Variants in CFAP299 observed in about 807,000 individuals in gnomAD.
CFAP299 encodes the protein cilia and flagella associated protein 299.
A neutral mutation model predicts 27.0 loss-of-function variants in CFAP299; 21 were observed. That is an observed-to-expected ratio of 0.78 (90% CI 0.55 to 1.12). The LOEUF (loss-of-function observed/expected upper bound fraction) is 1.12, where lower values mean the gene tolerates loss of function less well. CFAP299 is among the 50% of genes most tolerant of loss of function. The probability of loss-of-function intolerance (pLI) is 0.00; values close to 1 mark genes in which losing one functional copy is unlikely to be tolerated. For synonymous variants in CFAP299, 104 were observed against 98.1 expected (o/e 1.06, Z -0.36); for missense variants, 310 against 276.6 (o/e 1.12, Z -0.86).
At chr4:80,471,386 G>A (rs1394594529) in intron 2 of CFAP299, among the ~76,000 whole-genome samples, 1 of 151,626 alleles carries the variant, frequency 6.6e-6, no homozygotes, top group African/African-American at 2.4e-5. Context: ...TATTGGTAAT[G>A]TTTGTCATAT....
chr4:80,727,673 TTAAA>T (rs1242166509), intron 3 of CFAP299, among the ~76,000 whole-genome samples: 2 of 152,074 alleles, frequency 1.3e-5, no homozygotes, highest in Non-Finnish European at 2.9e-5. Flanking sequence ...CTTGTAAGAA[TTAAA>T]TAAATGATAT....
chr4:80,554,287 T>A (rs781174679), intron 2 of CFAP299, among the ~76,000 whole-genome samples: 1 of 152,146 alleles, frequency 6.6e-6, no homozygotes, highest in Non-Finnish European at 1.5e-5. Flanking sequence ...TTTCCAAAGA[T>A]CAGATTGTCA....
chr4:80,462,947 C>T (rs1275682486), intron 2 of CFAP299, among the ~76,000 whole-genome samples: 1 of 152,084 alleles, frequency 6.6e-6, no homozygotes, highest in Non-Finnish European at 1.5e-5. Context: ...AAGGGCAGGA[C>T]AGGAGAAGTT....
At chr4:80,904,038 T>G (rs1735062559) in intron 4 of CFAP299, among the ~76,000 whole-genome samples, 1 of 152,178 alleles carries the variant, frequency 6.6e-6, no homozygotes, top group Non-Finnish European at 1.5e-5. Context: ...TTCCTGTGTG[T>G]CTTAGACCCT....
intron 2 of CFAP299, among the ~76,000 whole-genome samples, chr4:80,379,771 T>C (rs1724600567): frequency 6.6e-6 from 1 of 152,106 alleles, no homozygotes; most frequent in South Asian, 2.1e-4. Flanking sequence ...ATATTCTTTA[T>C]GATTTAATTT....
chr4:80,726,564 A>G (rs1168585077), intron 3 of CFAP299, among the ~76,000 whole-genome samples: 1 of 151,956 alleles, frequency 6.6e-6, no homozygotes, highest in Non-Finnish European at 1.5e-5. Context: ...AAGAAACTGT[A>G]TCAAGAAGAG....
At chr4:80,411,578 T>C (rs1285466855) in intron 2 of CFAP299, among the ~76,000 whole-genome samples, 1 of 152,104 alleles carries the variant, frequency 6.6e-6, no homozygotes, top group Admixed American at 6.6e-5. Context: ...CTTTGCTATA[T>C]ATTACAATAT....
chr4:80,499,877 A>G (rs1330061421), intron 2 of CFAP299, among the ~76,000 whole-genome samples: 1 of 152,130 alleles, frequency 6.6e-6, no homozygotes, highest in East Asian at 1.9e-4. Context: ...AAACCTTGCC[A>G]TTCACATCTC....
chr4:80,494,192 C>T (rs915423298), intron 2 of CFAP299, among the ~76,000 whole-genome samples: 17 of 152,150 alleles, frequency 1.1e-4, no homozygotes, highest in African/African-American at 4.1e-4. Context: ...ACCCTAGATT[C>T]CTTTCTTTGT....
At chr4:80,580,114 G>A (rs980934214) in intron 2 of CFAP299, among the ~76,000 whole-genome samples, 1 of 152,206 alleles carries the variant, frequency 6.6e-6, no homozygotes, top group South Asian at 2.1e-4. Flanking sequence ...AAGGGAATTG[G>A]AAGAGCACTG....
intron 3 of CFAP299, among the ~76,000 whole-genome samples, chr4:80,617,813 GT>G (rs1403057935): frequency 2.0e-5 from 3 of 152,208 alleles, no homozygotes; most frequent in Non-Finnish European, 4.4e-5. Context: ...ATTTTGATAT[GT>G]TTTTTCTTGT....
chr4:80,501,407 A>C (rs1459020542), intron 2 of CFAP299, among the ~76,000 whole-genome samples: 6 of 148,172 alleles, frequency 4.0e-5, no homozygotes, highest in Non-Finnish European at 1.5e-5. Context: ...ATAAATATGT[A>C]ATTTCATATA....
chr4:80,360,581 C>A (rs888126732), intron 1 of CFAP299, among the ~76,000 whole-genome samples: 5 of 152,092 alleles, frequency 3.3e-5, no homozygotes, highest in African/African-American at 1.2e-4. Context: ...TTTTCCACAA[C>A]AATAATGTAT....
intron 2 of CFAP299, among the ~76,000 whole-genome samples, chr4:80,548,745 C>T (rs1734361439): frequency 6.6e-5 from 10 of 151,986 alleles, no homozygotes; most frequent in Admixed American, 6.6e-4. Context: ...ACTCATGTAC[C>T]CTCTAACTTT....
At chr4:80,572,128 G>T (rs1462605231) in intron 2 of CFAP299, among the ~76,000 whole-genome samples, 1 of 152,068 alleles carries the variant, frequency 6.6e-6, no homozygotes, top group Non-Finnish European at 1.5e-5. Flanking sequence ...AGTAAATGGG[G>T]TATCAACATT....
chr4:80,913,022 C>G (rs1018649823), intron 4 of CFAP299, among the ~76,000 whole-genome samples: 1 of 152,112 alleles, frequency 6.6e-6, no homozygotes, highest in African/African-American at 2.4e-5. Context: ...GTCCCCTCCA[C>G]CATTATATAC....
intron 3 of CFAP299, among the ~76,000 whole-genome samples, chr4:80,692,206 T>C (rs970300528): frequency 4.8e-4 from 73 of 152,164 alleles, no homozygotes; most frequent in African/African-American, 1.4e-3. Flanking sequence ...TTAAAGTTTA[T>C]ATGGCACCAA....
chr4:80,685,917 C>G (rs1456279802), intron 3 of CFAP299, among the ~76,000 whole-genome samples: 1 of 152,042 alleles, frequency 6.6e-6, no homozygotes, highest in Non-Finnish European at 1.5e-5. Flanking sequence ...TTAAATATGC[C>G]TGCCATGGGA....
At chr4:80,931,849 C>T (rs1578247965) in intron 4 of CFAP299, among the ~76,000 whole-genome samples, 1 of 152,136 alleles carries the variant, frequency 6.6e-6, no homozygotes, top group South Asian at 2.1e-4. Flanking sequence ...CAACAGGAAT[C>T]ACCCTGTACC....
Sources: gnomAD v4.1 joint callset for allele counts (sites outside exome capture counted in the v4.1 genomes callset) on GRCh38, gnomAD v4.1.1 for gene constraint, MANE v1.5 for transcripts, NCBI Gene and HGNC (gene_info 2026-07-23, HGNC 2026-07-21) for gene names.